Variants in PHACTR2 observed in about 807,000 individuals in gnomAD.
PHACTR2 encodes the protein phosphatase and actin regulator 2.
Under a neutral mutation model 76.0 loss-of-function variants are expected in PHACTR2, and 30 were observed. That is an observed-to-expected ratio of 0.39 (90% CI 0.30 to 0.54). The LOEUF (loss-of-function observed/expected upper bound fraction) is 0.54, where lower values mean the gene tolerates loss of function less well. Among genes scored for constraint, PHACTR2 ranks in the 20% least tolerant of loss-of-function variants. The probability of loss-of-function intolerance (pLI) is 0.61; values close to 1 mark genes in which losing one functional copy is unlikely to be tolerated. For synonymous variants in PHACTR2, 292 were observed against 292.5 expected (o/e 1.00, Z 0.02); for missense variants, 696 against 781.1 (o/e 0.89, Z 1.30).
intron 2 of PHACTR2, among the ~76,000 whole-genome samples, chr6:143,716,618 C>T (rs1335875557): frequency 6.6e-6 from 1 of 152,178 alleles, no homozygotes; most frequent in Non-Finnish European, 1.5e-5. Context: ...AGAGTACAGG[C>T]GTGAGCCACC....
At chr6:143,798,675 T>A (rs1184693430) in intron 11 of PHACTR2, among the ~76,000 whole-genome samples, 7 of 152,236 alleles carry the variant, frequency 4.6e-5, no homozygotes, top group Non-Finnish European at 5.9e-5. Flanking sequence ...TCTGTTTATG[T>A]GATGGATTAT....
rs1402078833 is a variant in PHACTR2 at position 143,744,569 on chromosome 6, TTGTGG to T, written c.215-4415_215-4411del. Among the ~76,000 whole-genome samples the T allele has an allele frequency of 6.4e-3, 981 of 152,282 alleles. 10 individuals carry two copies. Among genetic ancestry groups the T allele is most frequent in the African/African-American group, 0.022 (914 of 41,554 alleles). On this transcript the variant is annotated intron_variant, in intron 2 of 12. Transcript: ENST00000440869. ...ACTAAGGTGACCTTTGAGCAGAGACTTGTGGGACAGGATGGAGTGAGTCTAGCAGT... is the reference window on the plus strand; with the variant it reads ...ACTAAGGTGACCTTTGAGCAGAGACTGACAGGATGGAGTGAGTCTAGCAGT...
rs1244238426 is a variant in PHACTR2 at position 143,625,614 on chromosome 6, A to C, written c.13+17292A>C. On this transcript the variant is annotated intron_variant, in intron 1 of 11. Transcript: ENST00000305766. This position sits in a 1 kb window ranked among gnomAD's most constrained non-coding sequence, Gnocchi z 4.3. The stretch of plus-strand genomic sequence containing the variant: ...ACTGTGGGAACTTTGCAATTTGCTA[A>C]AAATAACTGATGAAGCTTATTAGTT... 6.6e-6 allele frequency among the ~76,000 whole-genome samples: 1 copy of C among 152,230 alleles called. No individual in the cohort carries two copies. The highest frequency in any genetic ancestry group is 2.4e-5 in the African/African-American group (1 of 41,460).
In PHACTR2 at chr6:143,790,045, G is replaced by A. The variant is rs1455785406; in HGVS notation, c.1845+1135G>A. Among the ~76,000 whole-genome samples the A allele has an allele frequency of 4.6e-5, 7 of 152,286 alleles. No homozygotes were observed. In the East Asian group the frequency reaches 9.7e-4, roughly 21 times the overall value. ...TTGGAAGGACTGTGTCAGGGAGGAC[G>A]GACGGCCACATGTGTGCAGTGACAT... On this transcript the variant is annotated intron_variant, in intron 11 of 12. Coordinates refer to ENST00000440869, the MANE Select transcript of PHACTR2 (RefSeq NM_001100164.2).
chr6:143,768,137 G>C lies in PHACTR2; in HGVS notation c.1232+2339G>C, dbSNP rs551938034. Among the ~76,000 whole-genome samples, 23 of 152,210 alleles carry C rather than the reference G, an allele frequency of 1.5e-4. No homozygotes were observed. The East Asian group carries it at 4.1e-3, about 27-fold the overall frequency. ...AGGCGTGAGCCACCATACCCAGCTA[G>C]GATTAAATTTTAACCCATGAATTCT... On this transcript the variant is annotated intron_variant, in intron 6 of 12. Coordinates refer to ENST00000440869, the MANE Select transcript of PHACTR2 (RefSeq NM_001100164.2).
At chr6:143,810,087 G>A (rs1006482507) in intron 12 of PHACTR2, among the ~76,000 whole-genome samples, 1 of 151,940 alleles carries the variant, frequency 6.6e-6, no homozygotes, top group African/African-American at 2.4e-5. Context: ...CTCCAGCCTA[G>A]GCAACAGAAA....
chr6:143,632,754 A>G (rs894787367), intron 1 of PHACTR2, among the ~76,000 whole-genome samples: 1 of 152,108 alleles, frequency 6.6e-6, no homozygotes, highest in Non-Finnish European at 1.5e-5. Context: ...TCTGTGCCCC[A>G]CCTATTCATC....
At chr6:143,552,373 A>G (rs1204954032) in intron 1 of PHACTR2, among the ~76,000 whole-genome samples, 1 of 152,206 alleles carries the variant, frequency 6.6e-6, no homozygotes, top group Admixed American at 6.5e-5. Context: ...ATGAAAACCC[A>G]GAGAGTCACT....
chr6:143,802,480 T>A (rs113153767), intron 11 of PHACTR2, among the ~76,000 whole-genome samples: 1 of 69,850 alleles, frequency 1.4e-5, no homozygotes, highest in African/African-American at 4.4e-5. Flanking sequence ...TCTCCACAAA[T>A]TTTTTTTTTT....
Position 143,760,317 on chromosome 6 carries a change from T to C in PHACTR2, c.455-84T>C, listed in dbSNP as rs1229048255. The C allele has an allele frequency of 8.1e-7, 1 of 1,233,170 alleles. No individual in the cohort carries two copies. Among genetic ancestry groups the C allele is most frequent in the East Asian group, 2.5e-5 (1 of 39,272 alleles). The allele number at this position is 1,233,170 out of a possible 1,614,324, so 76.4% of individuals were successfully genotyped here. On this transcript the variant is annotated intron_variant, in intron 4 of 12. Transcript: ENST00000440869. The surrounding 1 kb of genome is among the most constrained non-coding windows in gnomAD (Gnocchi z 6.4). ...TCAAGTACCAAGCAGACACGCTTTG[T>C]GTCACTATCGTCATGTCTTGCTCCT...
intron 2 of PHACTR2, among the ~76,000 whole-genome samples, chr6:143,727,384 T>C (rs1005017485): frequency 6.6e-6 from 1 of 152,180 alleles, no homozygotes; most frequent in Non-Finnish European, 1.5e-5. Context: ...GTTGATTCCA[T>C]ATCTTGGCTA....
rs996601969 is a variant in PHACTR2, at chr6:143,830,516, T to C, written c.*6827T>C. ...CACTGATTAACATGACAGTTTCTCTTTTGTTGTTCTTATCTGTACTGTATT... is the reference window on the plus strand; with the variant it reads ...CACTGATTAACATGACAGTTTCTCTCTTGTTGTTCTTATCTGTACTGTATT... On this transcript the variant is annotated 3_prime_UTR_variant, in exon 13 of 13. Coordinates refer to ENST00000440869, the MANE Select transcript of PHACTR2 (RefSeq NM_001100164.2). The C allele has an allele frequency of 5.9e-5, 9 of 152,186 alleles. No homozygotes were observed. The highest frequency in any genetic ancestry group is 1.3e-4 in the Admixed American group (2 of 15,278). The allele number at this position is 152,186 out of a possible 1,614,324, so 9.4% of individuals were successfully genotyped here.
rs983882508 is a variant in PHACTR2 at position 143,610,209 on chromosome 6, C to T, written c.13+1887C>T. ...CTCTCTTACAGGAGGAAAATGTAAACATCCATTATATACAGACATTTCAAT... is the reference window on the plus strand; with the variant it reads ...CTCTCTTACAGGAGGAAAATGTAAATATCCATTATATACAGACATTTCAAT... On this transcript the variant is annotated intron_variant, in intron 1 of 11. Coordinates refer to the PHACTR2 transcript ENST00000305766. The surrounding 1 kb of genome is among the most constrained non-coding windows in gnomAD (Gnocchi z 4.9). Among the ~76,000 whole-genome samples the T allele has an allele frequency of 3.3e-5, 5 of 151,820 alleles. No individual in the cohort carries two copies. Among genetic ancestry groups the T allele is most frequent in the Admixed American group, 1.3e-4 (2 of 15,262 alleles).
At chr6:143,813,068 A>T (rs1017825841) in intron 12 of PHACTR2, among the ~76,000 whole-genome samples, 1 of 152,198 alleles carries the variant, frequency 6.6e-6, no homozygotes, top group African/African-American at 2.4e-5. Flanking sequence ...CAGATTTGTT[A>T]TCAAGAGAGA....
chr6:143,785,697 AG>A (rs1026850614), intron 10 of PHACTR2, among the ~76,000 whole-genome samples: 7 of 152,052 alleles, frequency 4.6e-5, no homozygotes, highest in African/African-American at 1.7e-4. Flanking sequence ...ATCTAGACAG[AG>A]GTTCCCAAAC....
intron 1 of PHACTR2, among the ~76,000 whole-genome samples, chr6:143,542,862 C>T (rs756836179): frequency 1.1e-4 from 17 of 152,184 alleles, no homozygotes; most frequent in Admixed American, 2.6e-4. Flanking sequence ...TCACTGGAGC[C>T]GAAACCAGTT....
rs1270801512 is a variant in PHACTR2, at chr6:143,641,518, G to A, written c.13+33196G>A. ...GTTTGTTTGTGTGTTTGTTGTTGTT[G>A]TTTTTGAGACAGAGTTTCGCTCTTG... is the stretch of plus-strand genomic sequence containing the variant. On this transcript the variant is annotated intron_variant, in intron 1 of 11. Coordinates refer to the PHACTR2 transcript ENST00000305766. This position sits in a 1 kb window ranked among gnomAD's most constrained non-coding sequence, Gnocchi z 5.8. Among the ~76,000 whole-genome samples, 1 of 152,006 alleles carries A rather than the reference G, an allele frequency of 6.6e-6. No individual in the cohort carries two copies. Among genetic ancestry groups the A allele is most frequent in the Non-Finnish European group, 1.5e-5 (1 of 67,984 alleles).
chr6:143,600,714 G>C (rs1043790813), intron 1 of PHACTR2, among the ~76,000 whole-genome samples: 8 of 152,192 alleles, frequency 5.3e-5, no homozygotes, highest in African/African-American at 1.7e-4. Flanking sequence ...ACTATTGAGT[G>C]CTATTGAGGG....
In PHACTR2 at chr6:143,775,740, A is replaced by G. The variant is rs1356469170; in HGVS notation, c.1589+1525A>G. 6.6e-6 allele frequency among the ~76,000 whole-genome samples: 1 copy of G among 152,242 alleles called. No individual in the cohort carries two copies. The highest frequency in any genetic ancestry group is 6.5e-5 in the Admixed American group (1 of 15,282). ...GTAAATCATTGAATAATATTTGCAT[A>G]AAATAATAATAGTGTTATCATAGTA... On this transcript the variant is annotated intron_variant, in intron 8 of 12. Transcript: ENST00000440869. This position sits in a 1 kb window ranked among gnomAD's most constrained non-coding sequence, Gnocchi z 4.4.
Sources: allele counts gnomAD v4.1 joint callset (sites outside exome capture counted in the v4.1 genomes callset), GRCh38; gene constraint gnomAD v4.1.1; non-coding constraint Gnocchi (gnomAD v3.1); transcripts MANE v1.5; gene names NCBI Gene and HGNC (gene_info 2026-07-23, HGNC 2026-07-21).